The following TMPRSS11B variants were observed in gnomAD, a reference collection of about 807,000 sequenced individuals.
The protein encoded by TMPRSS11B is transmembrane serine protease 11B, also known as transmembrane protease serine 11B.
Under a neutral mutation model 44.7 loss-of-function variants are expected in TMPRSS11B, and 53 were observed. The observed-to-expected ratio is 1.19, with a 90% CI of 0.95 to 1.49. The LOEUF is 1.49. Ranked by LOEUF, TMPRSS11B falls within the 40% of genes most tolerant of loss-of-function variation. The pLI is 0.00. For synonymous variants in TMPRSS11B, 140 were observed against 159.2 expected, an observed-to-expected ratio of 0.88 and a Z score of 0.91; for missense variants, 526 against 494.8, an observed-to-expected ratio of 1.06 and a Z score of -0.60.
intron 2 of TMPRSS11B, 143 bp downstream of exon 2, chr4:68,241,546 T>C (rs968599444): frequency 1.4e-5 from 8 of 584,798 alleles, no homozygotes; most frequent in Admixed American, 1.3e-4. Context: ...TATAAATTTC[T>C]GTGTCATAAT....
intron 2 of TMPRSS11B, among the ~76,000 whole-genome samples, chr4:68,237,524 T>C (rs373701956): frequency 1.5e-4 from 23 of 152,286 alleles, no homozygotes; most frequent in African/African-American, 5.3e-4. Context: ...CATCTCACTG[T>C]CTTCCACAGT....
chr4:68,239,862 G>C (rs556731834), intron 2 of TMPRSS11B, among the ~76,000 whole-genome samples: 1 of 152,122 alleles, frequency 6.6e-6, no homozygotes, highest in African/African-American at 2.4e-5. Flanking sequence ...AAAAGAGCTC[G>C]ACAGGTGATT....
Position 68,229,410 on chromosome 4 carries a change from G to A in TMPRSS11B, c.793C>T (p.Pro265Ser). The A allele has an allele frequency of 6.2e-7, 1 of 1,613,984 alleles. No individual in the cohort carries two copies. Among genetic ancestry groups the A allele is most frequent in the South Asian group, 1.1e-5 (1 of 91,066 alleles). Reference sequence around the variant, plus strand: ...AGGGCAATATCATCATGAAGCCCAGGACTGCTATAATTTTCATGAAAAATA... The same window carrying A: ...AGGGCAATATCATCATGAAGCCCAGAACTGCTATAATTTTCATGAAAAATA... ...NIIFHENYSS[P>S]GLHDDIALVQ... The change falls in exon 8 of 10, where the codon CCT becomes TCT. Residue 265 changes from proline to serine, a missense_variant. Transcript: ENST00000332644.
At position 68,234,467 on chromosome 4, in the gene TMPRSS11B, G is replaced by A; in HGVS notation, c.465C>T (p.Leu155=). The change falls in exon 5 of 10, where the codon CTC becomes CTT. Residue 155 remains leucine, a synonymous_variant. Transcript: ENST00000332644. ...TAATGGAAATAAGTCAAATACCCAT[G>A]AGTTTAATGGAAGCAGGAACTGCAT... ...SWNAVPASIK[L]MEISKAASEM... is the part of the protein sequence containing the mutation. 1 of 1,612,988 alleles carries A rather than the reference G, an allele frequency of 6.2e-7. No homozygotes were observed. Among genetic ancestry groups the A allele is most frequent in the Non-Finnish European group, 8.5e-7 (1 of 1,179,658 alleles).
chr4:68,236,329 T>C, intron 2 of TMPRSS11B, 63 bp from the exon 3 acceptor site: 1 of 1,005,076 alleles, frequency 9.9e-7, no homozygotes, highest in Non-Finnish European at 1.5e-6. Context: ...TTAAAGCGAT[T>C]TATACCTCTG....
In TMPRSS11B at chr4:68,234,620, A is replaced by G. The variant is rs1719612368; in HGVS notation, c.312T>C (p.Pro104=). Residue 104 remains proline, a synonymous_variant, in exon 5 of 10, where the codon CCT becomes CCC. Coordinates refer to ENST00000332644, the MANE Select transcript of TMPRSS11B (RefSeq NM_182502.3). The part of the protein sequence containing the change: ...YVKSEVIKLL[P]NANGSNVQLQ... Reference sequence around the variant, plus strand: ...ACTGCACATTTGAACCATTGGCATTAGGCCTAGAAACAACAGAAATTTTCT... The same window carrying G: ...ACTGCACATTTGAACCATTGGCATTGGGCCTAGAAACAACAGAAATTTTCT... The G allele has an allele frequency of 6.2e-7, 1 of 1,612,996 alleles. No homozygotes were observed. The highest frequency in any genetic ancestry group is 1.3e-5 in the African/African-American group (1 of 75,008).
In TMPRSS11B at chr4:68,232,457, T is replaced by C. The variant is rs746437272; in HGVS notation, c.470-41A>G. On this transcript the variant is annotated intron_variant, in intron 5 of 9. Transcript: ENST00000332644. The stretch of plus-strand genomic sequence containing the variant: ...AAAACAAAATATAAAATTGAGCAAA[T>C]ATCACCAAGCAATTGACTTCAACCT... 10 of 1,585,300 alleles carry C rather than the reference T, an allele frequency of 6.3e-6. No homozygotes were observed. In the Admixed American group the frequency reaches 8.6e-5, roughly 14 times the overall value.
chr4:68,242,362 T>TG (rs1560445716), intron 1 of TMPRSS11B, among the ~76,000 whole-genome samples: 8 of 23,918 alleles, frequency 3.3e-4, no homozygotes, highest in Admixed American at 3.0e-3. Flanking sequence ...TAATATTATA[T>TG]TATATATAAT....
chr4:68,244,035 C>T (rs1231514883), intron 1 of TMPRSS11B, among the ~76,000 whole-genome samples: 3 of 152,032 alleles, frequency 2.0e-5, no homozygotes, highest in African/African-American at 7.2e-5. Context: ...TAACTCAACC[C>T]TTCCTCTAAT....
intron 7 of TMPRSS11B, 158 bp from the exon 8 acceptor site, chr4:68,229,674 TA>T (rs1719456456): frequency 3.2e-6 from 2 of 617,022 alleles, no homozygotes; most frequent in East Asian, 5.9e-5. Context: ...GGAGCTGTTG[TA>T]AATGTTGCAG....
chr4:68,236,373 A>G, intron 2 of TMPRSS11B, 107 bp from the exon 3 acceptor site: 2 of 688,572 alleles, frequency 2.9e-6, no homozygotes, highest in Non-Finnish European at 5.0e-6. Context: ...GAAATAATCC[A>G]TTTATACCTC....
At chr4:68,245,368 T>A (rs1256422754) in intron 1 of TMPRSS11B, among the ~76,000 whole-genome samples, 183 bp downstream of exon 1, 1 of 152,126 alleles carries the variant, frequency 6.6e-6, no homozygotes, top group Non-Finnish European at 1.5e-5. Context: ...TCTTTTTAAC[T>A]TTTGGAAACT....
At chr4:68,237,470 T>A (rs1368730320) in intron 2 of TMPRSS11B, among the ~76,000 whole-genome samples, 1 of 152,132 alleles carries the variant, frequency 6.6e-6, no homozygotes, top group Non-Finnish European at 1.5e-5. Context: ...AGTAATGGGA[T>A]TGCTGGGTCA....
Position 68,231,388 on chromosome 4 carries a change from A to C in TMPRSS11B, c.509-8T>G, listed in dbSNP as rs771451947. On this transcript the variant is annotated splice_polypyrimidine_tract_variant and splice_region_variant and intron_variant, in intron 6 of 9. Transcript: ENST00000332644. ...CTACTTGTCTCCCACAACCTAGAGA[A>C]AGGATTTATTTACACGAGAGCAGGT... The C allele has an allele frequency of 1.2e-6, 2 of 1,606,784 alleles. No homozygotes were observed. Among genetic ancestry groups the C allele is most frequent in the Non-Finnish European group, 8.5e-7 (1 of 1,176,848 alleles).
chr4:68,239,495 G>A (rs1436558358), intron 2 of TMPRSS11B, among the ~76,000 whole-genome samples: 1 of 152,152 alleles, frequency 6.6e-6, no homozygotes, highest in East Asian at 1.9e-4. Context: ...GTTTAACCTA[G>A]CCAGTCTGTG....
chr4:68,242,317 ATATATATAATATTATATTATATATATAT>A (rs1560445600), intron 1 of TMPRSS11B, among the ~76,000 whole-genome samples: 1 of 72,956 alleles, frequency 1.4e-5, no homozygotes, highest in Non-Finnish European at 2.3e-5. Flanking sequence ...ATATAATATT[ATATATATAATATTATATTATATATATAT>A]TATATATAAT....
chr4:68,240,808 G>A (rs1038228571), intron 2 of TMPRSS11B, among the ~76,000 whole-genome samples: 3 of 146,824 alleles, frequency 2.0e-5, no homozygotes, highest in African/African-American at 5.5e-5. Flanking sequence ...GAAAGAAACT[G>A]TGTAATTTTT....
intron 5 of TMPRSS11B, 58 bp downstream of exon 5, chr4:68,234,405 A>T (rs1560442411): frequency 1.8e-5 from 28 of 1,533,202 alleles, no homozygotes; most frequent in African/African-American, 3.0e-5. Context: ...AGTACTTTTT[A>T]AAAAAATAAT....
In TMPRSS11B at chr4:68,228,789, T is replaced by A. The variant is rs2319797; in HGVS notation, c.1042A>T (p.Thr348Ser). Reference protein sequence around the residue: ...SYAYSGFVTDTMLCAGFMSGE... With the variant: ...SYAYSGFVTDSMLCAGFMSGE... ...GACATAAATCCAGCACATAACATTG[T>A]ATCAGTCACAAAGCCAGAGTATGCA... Residue 348 changes from threonine to serine, a missense_variant, in exon 9 of 10, where the codon ACA (threonine) becomes TCA (serine). Physicochemically the swap from Thr to Ser is moderately conservative, Grantham distance 58 (BLOSUM62 1). Transcript: ENST00000332644. 0.77 allele frequency: 1,238,325 copies of A among 1,613,126 alleles called. 481,557 individuals carry two copies. Among genetic ancestry groups the A allele is most frequent in the East Asian group, 1 (44,684 of 44,840 alleles).
Sources: allele counts gnomAD v4.1 joint callset (sites outside exome capture counted in the v4.1 genomes callset), GRCh38; gene constraint gnomAD v4.1.1; transcripts MANE v1.5; gene names NCBI Gene and HGNC (gene_info 2026-07-23, HGNC 2026-07-21).